Variants in ZDHHC1 observed in about 807,000 individuals in gnomAD.
ZDHHC1 encodes the protein palmitoyltransferase ZDHHC1.
In ZDHHC1, 45 loss-of-function variants were observed where a neutral mutation model predicts 46.9. That is an observed-to-expected ratio of 0.96 (90% CI 0.76 to 1.23). The LOEUF is 1.23. ZDHHC1 is among the 50% of genes most tolerant of loss of function. The probability of loss-of-function intolerance (pLI) is 0.00; values close to 1 mark genes in which losing one functional copy is unlikely to be tolerated. For synonymous variants in ZDHHC1, 291 were observed against 286.0 expected (o/e 1.02, Z -0.18); for missense variants, 649 against 670.8 (o/e 0.97, Z 0.36).
chr16:67,414,161 T>C (rs2040796341), intron 1 of ZDHHC1, among the ~76,000 whole-genome samples: 1 of 152,138 alleles, frequency 6.6e-6, no homozygotes, highest in Non-Finnish European at 1.5e-5. Context: ...CCAAGGTTAT[T>C]GACTTTAACC....
intron 1 of ZDHHC1, among the ~76,000 whole-genome samples, chr16:67,410,459 C>T (rs968382846): frequency 1.3e-5 from 2 of 152,080 alleles, no homozygotes; most frequent in Admixed American, 1.3e-4. Flanking sequence ...GAGGGTGTCC[C>T]GTGGCCTGGG....
rs556589698 is a variant in ZDHHC1, at chr16:67,403,607, T to C, written c.253-2475A>G. Among the ~76,000 whole-genome samples the C allele has an allele frequency of 4.0e-5, 6 of 151,270 alleles. No individual in the cohort carries two copies. The South Asian group carries it at 6.3e-4, about 16-fold the overall frequency. On this transcript the variant is annotated intron_variant, in intron 3 of 11. Coordinates refer to ENST00000565726, the MANE Select transcript of ZDHHC1 (RefSeq NM_001323627.2). ...ACGCCATGTTGAGCCTCATTTCTTT[T>C]GTTTTTTGTTTTTTTTTTTTGAGAC...
chr16:67,399,534 G>A (rs1279030706), intron 4 of ZDHHC1, 78 bp from the exon 5 acceptor site: 2 of 1,270,772 alleles, frequency 1.6e-6, no homozygotes, highest in African/African-American at 1.5e-5. Flanking sequence ...GTGGTTGAGT[G>A]GGGTCTGTGG....
At chr16:67,414,286 A>G (rs1387482882) in intron 1 of ZDHHC1, among the ~76,000 whole-genome samples, 1 of 152,176 alleles carries the variant, frequency 6.6e-6, no homozygotes, top group Non-Finnish European at 1.5e-5. Flanking sequence ...AAAACAAAAC[A>G]ATCTGGCTAA....
chr16:67,394,545 G>A lies in ZDHHC1; in HGVS notation c.*65C>T. 2 of 1,121,202 alleles carry A rather than the reference G, an allele frequency of 1.8e-6. No homozygotes were observed. Among genetic ancestry groups the A allele is most frequent in the Non-Finnish European group, 2.2e-6 (2 of 917,430 alleles). 69.5% of individuals were successfully genotyped at this position (1,121,202 alleles called of 1,614,324 possible). A position where few individuals can be genotyped will look rare whatever the true frequency, so the allele number is the denominator to read the frequency against. On this transcript the variant is annotated 3_prime_UTR_variant, in exon 12 of 12. Transcript: ENST00000565726. ...CCTAAAGTGCACTCGGTGCGGCAAG[G>A]ATGGGGTGTTGCATAGAGAGTCAGG...
intron 3 of ZDHHC1, among the ~76,000 whole-genome samples, chr16:67,405,642 C>T (rs527293194): frequency 1.3e-5 from 2 of 152,272 alleles, no homozygotes; most frequent in Admixed American, 6.5e-5. Context: ...CAGGGGCATT[C>T]GAGGTATCTC....
chr16:67,399,205 A>ACT (rs778292863), intron 5 of ZDHHC1, 150 bp downstream of exon 5: 276 of 808,218 alleles, frequency 3.4e-4, no homozygotes, highest in South Asian at 7.5e-4. Context: ...CAGGAGCATC[A>ACT]CTCTCTCTGG....
At chr16:67,415,054 G>A (rs1165767660) in intron 1 of ZDHHC1, among the ~76,000 whole-genome samples, 4 of 152,220 alleles carry the variant, frequency 2.6e-5, no homozygotes, top group Admixed American at 2.6e-4. Context: ...AGAATCGCTT[G>A]AACCCGGGAG....
intron 3 of ZDHHC1, chr16:67,404,740 C>G: frequency 2.2e-6 from 1 of 455,946 alleles, no homozygotes; most frequent in South Asian, 1.5e-5. Context: ...GGGGAGAATA[C>G]CTCCTTAAGG....
chr16:67,395,477 C>A lies in ZDHHC1; in HGVS notation c.1010+7G>T. ...TGCCCAGTGGCACATGCCCAGGTTG[C>A]ACTCACTTGGCATTCACTGCTGCTG... On this transcript the variant is annotated splice_region_variant and intron_variant, in intron 9 of 11. Transcript: ENST00000565726. 1 of 1,552,284 alleles carries A rather than the reference C, an allele frequency of 6.4e-7. No homozygotes were observed. Among genetic ancestry groups the A allele is most frequent in the Non-Finnish European group, 8.7e-7 (1 of 1,147,476 alleles).
chr16:67,413,938 CAAAA>C (rs974752448), intron 1 of ZDHHC1, among the ~76,000 whole-genome samples: 2 of 61,940 alleles, frequency 3.2e-5, no homozygotes, highest in Non-Finnish European at 6.0e-5. Flanking sequence ...GACTCCGTCT[CAAAA>C]AAAAAAAAAA....
At chr16:67,398,454 C>T (rs950422379) in intron 7 of ZDHHC1, 119 bp downstream of exon 7, 113 of 1,513,210 alleles carry the variant, frequency 7.5e-5, no homozygotes, top group Non-Finnish European at 9.6e-5. Flanking sequence ...TGAGACCTGG[C>T]CACCATAGTG....
chr16:67,399,349 C>T lies in ZDHHC1; in HGVS notation c.530+6G>A. 6.2e-7 allele frequency: 1 copy of T among 1,611,490 alleles called. No individual in the cohort carries two copies. On this transcript the variant is annotated splice_donor_region_variant and intron_variant, in intron 5 of 11. Transcript: ENST00000565726. ...CCAGGCCCGCGTGCGGCCGGGCTGT[C>T]CTCACCGGTAGTTCCGCTCGCCCAC...
intron 1 of ZDHHC1, among the ~76,000 whole-genome samples, chr16:67,408,388 C>T (rs1037974167): frequency 1.3e-5 from 2 of 152,064 alleles, no homozygotes; most frequent in Admixed American, 6.5e-5. Flanking sequence ...GGGTGGTCTC[C>T]AACTCCTGGA....
rs549945060 is a variant in ZDHHC1, at chr16:67,406,489, G to T, written c.10-47C>A. On this transcript the variant is annotated intron_variant, in intron 2 of 11. Coordinates refer to ENST00000565726, the MANE Select transcript of ZDHHC1 (RefSeq NM_001323627.2). This position sits in a 1 kb window ranked among gnomAD's most constrained non-coding sequence, Gnocchi z 4.1. ...AGAGAGCATTAGCCCAAGAAGCTGGGCTGGAGCCCAGGGCCTGTGTCTGCA... is the reference window on the plus strand; with the variant it reads ...AGAGAGCATTAGCCCAAGAAGCTGGTCTGGAGCCCAGGGCCTGTGTCTGCA... 1.4e-6 allele frequency: 2 copies of T among 1,458,498 alleles called. No individual in the cohort carries two copies. Among genetic ancestry groups the T allele is most frequent in the Admixed American group, 2.7e-5 (1 of 37,190 alleles). The allele number at this position is 1,458,498 out of a possible 1,614,324, so 90.3% of individuals were successfully genotyped here.
At chr16:67,411,103 C>T (rs1458539506) in intron 1 of ZDHHC1, among the ~76,000 whole-genome samples, 1 of 152,068 alleles carries the variant, frequency 6.6e-6, no homozygotes, top group Non-Finnish European at 1.5e-5. Flanking sequence ...AAAAAAAAAC[C>T]ATTTAGGAAT....
chr16:67,404,629 C>T (rs1397705035), intron 3 of ZDHHC1: 1 of 452,858 alleles, frequency 2.2e-6, no homozygotes, highest in African/African-American at 2.0e-5. Flanking sequence ...CCTCTCAGGA[C>T]AGTCAGGCTT....
Position 67,406,184 on chromosome 16 carries a change from G to A in ZDHHC1, c.252+16C>T, listed in dbSNP as rs374370290. The A allele has an allele frequency of 4.0e-5, 65 of 1,612,542 alleles. No individual in the cohort carries two copies. The highest frequency in any genetic ancestry group is 5.3e-5 in the Non-Finnish European group (63 of 1,179,300). ...CCCCACTTCCACACACCAGCCCTAC[G>A]CTTTCCCAAGGATACAGCGTAGCCA... On this transcript the variant is annotated intron_variant, in intron 3 of 11. Coordinates refer to ENST00000565726, the MANE Select transcript of ZDHHC1 (RefSeq NM_001323627.2). This position sits in a 1 kb window ranked among gnomAD's most constrained non-coding sequence, Gnocchi z 4.1.
In ZDHHC1 at chr16:67,394,798, CCG is replaced by C; in HGVS notation, c.1259_1260del (p.Ser420CysfsTer78). ...HAAGPAGAYH[S>X]ASAESVDEIP... ...ATCTCGTCCACGGACTCTGCCGACG[CCG>C]AGTGGTAGGCGCCGGCAGGGCCAGC... On this transcript the variant is annotated frameshift_variant, in exon 12 of 12. Coordinates refer to ENST00000565726, the MANE Select transcript of ZDHHC1 (RefSeq NM_001323627.2). LOFTEE classifies it low-confidence loss of function (END_TRUNC). 6.6e-7 allele frequency: 1 copy of C among 1,523,846 alleles called. No individual in the cohort carries two copies. The highest frequency in any genetic ancestry group is 2.0e-5 in the Admixed American group (1 of 49,180). 94.4% of individuals were successfully genotyped at this position (1,523,846 alleles called of 1,614,324 possible). A position where few individuals can be genotyped will look rare whatever the true frequency, so the allele number is the denominator to read the frequency against.
Sources: gnomAD v4.1 joint callset for allele counts (sites outside exome capture counted in the v4.1 genomes callset) on GRCh38, gnomAD v4.1.1 for gene constraint, Gnocchi (gnomAD v3.1) non-coding constraint, MANE v1.5 for transcripts, NCBI Gene and HGNC (gene_info 2026-07-23, HGNC 2026-07-21) for gene names.